Variants in RAD54B observed in about 807,000 individuals in gnomAD.
RAD54B encodes RAD54 homolog B.
Under a neutral mutation model 95.8 loss-of-function variants are expected in RAD54B, and 78 were observed. The observed-to-expected ratio is 0.81, with a 90% confidence interval of 0.68 to 0.98. RAD54B has a LOEUF of 0.98. RAD54B is among the 50% of genes least tolerant of loss of function. The pLI is 0.00. For synonymous variants in RAD54B, 328 were observed against 354.9 expected, an observed-to-expected ratio of 0.92 and a Z score of 0.85; for missense variants, 957 against 1,056.6, an observed-to-expected ratio of 0.91 and a Z score of 1.31.
At chr8:94,386,072 G>A (rs1404821420) in intron 11 of RAD54B, among the ~76,000 whole-genome samples, 1 of 152,080 alleles carries the variant, frequency 6.6e-6, no homozygotes, top group Non-Finnish European at 1.5e-5. Flanking sequence ...TATAATTCAG[G>A]GCAATGTTGA....
chr8:94,387,052 C>T lies in RAD54B; in HGVS notation c.1917G>A (p.Lys639=), dbSNP rs1039845626. The part of the protein sequence containing the change: ...ADYNPLLFTE[K]ESGKLQVLSK... ...ACAACACCTGTAGTTTTCCTGACTC[C>T]TTTTCAGTAAACAGGAGAGGGTTGT... Residue 639 remains lysine, a synonymous_variant, in exon 11 of 15, where the codon AAG becomes AAA. Coordinates refer to ENST00000336148, the MANE Select transcript of RAD54B (RefSeq NM_012415.3). 2.5e-6 allele frequency: 4 copies of T among 1,613,610 alleles called. No individual in the cohort carries two copies. Among genetic ancestry groups the T allele is most frequent in the Middle Eastern group, 3.3e-4 (2 of 6,060 alleles).
At chr8:94,470,557 T>C (rs1813145023) in intron 1 of RAD54B, among the ~76,000 whole-genome samples, 1 of 149,784 alleles carries the variant, frequency 6.7e-6, no homozygotes, top group Admixed American at 6.7e-5. Flanking sequence ...ATAGCGCCAC[T>C]GCACTCCAGC....
chr8:94,411,101 AT>A lies in RAD54B; in HGVS notation c.499+19del. ...ACTAATTTCAGGCCAAACTGTAAAC[AT>A]TAGGTAGTATCATAATACCTCTTCC... On this transcript the variant is annotated intron_variant, in intron 4 of 14. Coordinates refer to ENST00000336148, the MANE Select transcript of RAD54B (RefSeq NM_012415.3). 6.4e-7 allele frequency: 1 copy of A among 1,563,440 alleles called. No individual in the cohort carries two copies. Among genetic ancestry groups the A allele is most frequent in the Non-Finnish European group, 8.7e-7 (1 of 1,149,594 alleles).
Position 94,393,768 on chromosome 8 carries a change from A to G in RAD54B, c.1493T>C (p.Leu498Ser), listed in dbSNP as rs1224845227. The part of the protein sequence containing the change: ...YRKIYEEPII[L>S]SREPSASEEE... ...CTCAGAAGCAGAAGGTTCTCTCGAT[A>G]AAATGATGGGTTCTTCATATATTTT... Residue 498 changes from leucine to serine, a missense_variant, in exon 9 of 15, where the codon TTA becomes TCA. Transcript: ENST00000336148. 2 of 1,585,088 alleles carry G rather than the reference A, an allele frequency of 1.3e-6. No homozygotes were observed. The highest frequency in any genetic ancestry group is 8.6e-7 in the Non-Finnish European group (1 of 1,156,096).
At position 94,399,594 on chromosome 8, in the gene RAD54B, A is replaced by T. The variant is rs1230292960; in HGVS notation, c.1198T>A (p.Ser400Thr). The T allele has an allele frequency of 6.2e-7, 1 of 1,610,626 alleles. No homozygotes were observed. The highest frequency in any genetic ancestry group is 8.5e-7 in the Non-Finnish European group (1 of 1,178,984). The change falls in exon 8 of 15, where the codon TCT (serine) becomes ACT (threonine). Residue 400 changes from serine (S) to threonine (T), a missense_variant. Physicochemically the swap from Ser to Thr is moderately conservative, Grantham distance 58. Coordinates refer to ENST00000336148, the MANE Select transcript of RAD54B (RefSeq NM_012415.3). ...QDHKVEEFIK[S>T]IFYSVLIISY... Reference sequence around the variant, plus strand: ...ATAATAAGAACAGAATAAAATATAGACTTGATGAATTCTTCAACTTTGTGG... The same window carrying T: ...ATAATAAGAACAGAATAAAATATAGTCTTGATGAATTCTTCAACTTTGTGG...
chr8:94,393,979 T>TATTCCCTAAAAGGAATAA (rs1261575109), intron 8 of RAD54B, 97 bp from the exon 9 acceptor site: 3 of 1,174,338 alleles, frequency 2.6e-6, no homozygotes, highest in African/African-American at 1.6e-5. Context: ...TGGAGAAATT[T>TATTCCCTAAAAGGAATAA]ATTCCCTAAA....
Position 94,372,301 on chromosome 8 carries a change from T to C in RAD54B, c.2602A>G (p.Met868Val), listed in dbSNP as rs138789279. The C allele has an allele frequency of 1.4e-5, 22 of 1,613,840 alleles. No individual in the cohort carries two copies. Among genetic ancestry groups the C allele is most frequent in the South Asian group, 1.2e-4 (11 of 91,062 alleles). The part of the protein sequence containing the change: ...QKSNSLKPLS[M>V]SQLKQWKHFS... ...TGTTTCCATTGCTTCAGCTGGGACATAGAAAGAGGTTTCAGGGAGTTAGAT... is the reference window on the plus strand; with the variant it reads ...TGTTTCCATTGCTTCAGCTGGGACACAGAAAGAGGTTTCAGGGAGTTAGAT... Residue 868 changes from methionine (M) to valine (V), a missense_variant, in exon 15 of 15, where the codon ATG (methionine) becomes GTG (valine). Physicochemically the swap from Met to Val is conservative, Grantham distance 21. Coordinates refer to ENST00000336148, the MANE Select transcript of RAD54B (RefSeq NM_012415.3).
intron 14 of RAD54B, among the ~76,000 whole-genome samples, chr8:94,375,698 ACT>A (rs1259732492): frequency 2.6e-5 from 4 of 152,180 alleles, no homozygotes; most frequent in African/African-American, 9.7e-5. Flanking sequence ...GAATGAGGAA[ACT>A]CTGTAACAAT....
chr8:94,449,213 C>G (rs1812596302), intron 3 of RAD54B, among the ~76,000 whole-genome samples: 1 of 149,426 alleles, frequency 6.7e-6, no homozygotes, highest in African/African-American at 2.5e-5. Context: ...CACACACACA[C>G]AGACAACCCT....
intron 9 of RAD54B, 71 bp from the exon 10 acceptor site, chr8:94,391,970 T>G: frequency 7.4e-7 from 1 of 1,346,154 alleles, no homozygotes. Context: ...CATTAAAGAT[T>G]TCATAATGAT....
chr8:94,410,653 T>C (rs1811506040), intron 4 of RAD54B, among the ~76,000 whole-genome samples: 1 of 152,156 alleles, frequency 6.6e-6, no homozygotes, highest in Non-Finnish European at 1.5e-5. Context: ...ACCTCCAATT[T>C]CCATATGTTA....
At chr8:94,468,356 T>C (rs1813079904) in intron 1 of RAD54B, among the ~76,000 whole-genome samples, 1 of 152,120 alleles carries the variant, frequency 6.6e-6, no homozygotes, top group African/African-American at 2.4e-5. Flanking sequence ...GTGGAGAGCT[T>C]TGCTGTGCCA....
intron 2 of RAD54B, among the ~76,000 whole-genome samples, chr8:94,461,841 A>T (rs1812913642): frequency 6.6e-6 from 1 of 152,228 alleles, no homozygotes; most frequent in African/African-American, 2.4e-5. Flanking sequence ...TAATCACAGT[A>T]AAATTATCAA....
At chr8:94,378,699 A>T (rs1810660850) in intron 12 of RAD54B, 65 bp from the exon 13 acceptor site, 3 of 1,059,294 alleles carry the variant, frequency 2.8e-6, no homozygotes, top group Non-Finnish European at 4.2e-6. Context: ...CACACATGCA[A>T]TTTGCAGAAA....
At chr8:94,422,617 A>AATATATATATATATATATAT (rs1166692675) in intron 3 of RAD54B, among the ~76,000 whole-genome samples, 1 of 43,572 alleles carries the variant, frequency 2.3e-5, no homozygotes. Context: ...AAAAAAAAAA[A>AATATATATATATATATATAT]ATATATATAT....
intron 12 of RAD54B, among the ~76,000 whole-genome samples, chr8:94,379,257 G>T (rs369065026): frequency 6.6e-6 from 1 of 152,198 alleles, no homozygotes; most frequent in Non-Finnish European, 1.5e-5. Context: ...CTTGGATCAT[G>T]TAGTTTGATT....
In RAD54B at chr8:94,391,809, T is replaced by G. The variant is rs1269860613; in HGVS notation, c.1609A>C (p.Lys537Gln). Residue 537 changes from lysine (K) to glutamine (Q), a missense_variant, in exon 10 of 15, where the codon AAA becomes CAA. Transcript: ENST00000336148. ...TTCTCTATTTTAGGTGGGAGATATTTATTTATAATTTCTTGGGTTCTTCTA... is the reference window on the plus strand; with the variant it reads ...TTCTCTATTTTAGGTGGGAGATATTGATTTATAATTTCTTGGGTTCTTCTA... ...ILRRTQEIIN[K>Q]YLPPKIENVV... The G allele has an allele frequency of 6.2e-7, 1 of 1,614,000 alleles. No homozygotes were observed. Among genetic ancestry groups the G allele is most frequent in the Non-Finnish European group, 8.5e-7 (1 of 1,179,920 alleles).
intron 12 of RAD54B, among the ~76,000 whole-genome samples, chr8:94,379,552 T>C (rs1002869344): frequency 5.9e-5 from 9 of 152,192 alleles, no homozygotes; most frequent in African/African-American, 1.9e-4. Flanking sequence ...TAATGTAACA[T>C]AACTGTGAGT....
intron 11 of RAD54B, among the ~76,000 whole-genome samples, chr8:94,386,386 G>C (rs543204770): frequency 3.3e-4 from 50 of 152,282 alleles, no homozygotes; most frequent in African/African-American, 9.9e-4. Context: ...GACCTGGGAA[G>C]TTTGAAGTAC....
Sources: allele counts gnomAD v4.1 joint callset (sites outside exome capture counted in the v4.1 genomes callset), GRCh38; gene constraint gnomAD v4.1.1; transcripts MANE v1.5; gene names NCBI Gene and HGNC (gene_info 2026-07-23, HGNC 2026-07-21).